The following CUX1 variants were observed in gnomAD, a reference collection of about 807,000 sequenced individuals.
The protein encoded by CUX1 is protein CASP.
Under a neutral mutation model 158.8 loss-of-function variants are expected in CUX1, and 31 were observed. The ratio of observed to expected loss-of-function variants is 0.20; its 90% CI spans 0.15 to 0.26. The LOEUF (loss-of-function observed/expected upper bound fraction) is 0.26. Ranked by LOEUF, CUX1 falls within the 10% of genes least tolerant of loss-of-function variation. The pLI is 1.00. For missense variants in CUX1, 1,589 were observed against 2,014.6 expected (o/e 0.79, Z 4.04); for synonymous variants, 879 against 862.1 (o/e 1.02, Z -0.34).
chr7:102,201,928 G>A lies in CUX1; in HGVS notation c.2631G>A (p.Glu877=), dbSNP rs141755091. 3 of 1,613,986 alleles carry A rather than the reference G, an allele frequency of 1.9e-6. No homozygotes were observed. The African/African-American group carries it at 4.0e-5, about 22-fold the overall frequency. ...RSQLQGPSSS[E]YWKEWPSAES... is the part of the protein sequence containing the mutation. ...AGCTCCAGGGACCCTCGTCGTCAGAGTACTGGAAGGAGTGGCCCAGCGCTG... is the reference window on the plus strand; with the variant it reads ...AGCTCCAGGGACCCTCGTCGTCAGAATACTGGAAGGAGTGGCCCAGCGCTG... Residue 877 remains glutamate (E), a synonymous_variant, in exon 18 of 24, where the codon GAG becomes GAA. Coordinates refer to ENST00000292535, the MANE Select transcript of CUX1 (RefSeq NM_181552.4). The surrounding 1 kb of genome is among the most constrained non-coding windows in gnomAD (Gnocchi z 5.0).
rs545936911 is a variant in CUX1 at position 102,180,901 on chromosome 7, A to T, written c.1017+2244A>T. On this transcript the variant is annotated intron_variant, in intron 11 of 23. Coordinates refer to ENST00000292535, the MANE Select transcript of CUX1 (RefSeq NM_181552.4). Reference sequence around the variant, plus strand: ...GCCAGGTCGTTTTTTTTAAATTTTTATTTTATTTTATTTTATTGTATTTTA... The same window carrying T: ...GCCAGGTCGTTTTTTTTAAATTTTTTTTTTATTTTATTTTATTGTATTTTA... Among the ~76,000 whole-genome samples, 430 of 82,786 alleles carry T rather than the reference A, an allele frequency of 5.2e-3. 4 individuals are homozygous for T. The highest frequency in any genetic ancestry group is 0.038 in the African/African-American group (411 of 10,734). 54.3% of individuals were successfully genotyped at this position (82,786 alleles called of 152,430 possible).
chr7:102,043,700 G>T (rs1186414901), intron 3 of CUX1, among the ~76,000 whole-genome samples: 1 of 152,092 alleles, frequency 6.6e-6, no homozygotes, highest in Non-Finnish European at 1.5e-5. Context: ...TGAGTGTGCA[G>T]ATAACTCTTA....
rs376032733 is a variant in CUX1, at chr7:102,112,652, C to A, written c.607+878C>A. Among the ~76,000 whole-genome samples, 6 of 151,872 alleles carry A rather than the reference C, an allele frequency of 4.0e-5. No individual in the cohort carries two copies. In the East Asian group the frequency reaches 9.7e-4, roughly 25 times the overall value. On this transcript the variant is annotated intron_variant, in intron 7 of 23. Transcript: ENST00000292535. ...TGGTGTGATCTCAGGTCACTGAAAC[C>A]TTTACCTCTGTGGGCTCAAGCAATC...
intron 20 of CUX1, among the ~76,000 whole-genome samples, chr7:102,223,690 C>T (rs1798058522): frequency 6.6e-6 from 1 of 152,132 alleles, no homozygotes; most frequent in East Asian, 1.9e-4. Context: ...AAAAAAGGGT[C>T]AGGCGCGGTG....
chr7:102,092,883 C>A (rs1637252), intron 4 of CUX1, among the ~76,000 whole-genome samples: 75,170 of 143,480 alleles, frequency 0.52, 20,412 homozygotes, highest in African/African-American at 0.61. Flanking sequence ...ACTGCACTCC[C>A]GTCTGGGTGA....
At chr7:102,140,092 A>G (rs1306857112) in intron 8 of CUX1, among the ~76,000 whole-genome samples, 16 of 152,232 alleles carry the variant, frequency 1.1e-4, no homozygotes, top group Admixed American at 1.0e-3. Context: ...CACAGCATCA[A>G]TAAAGCTCTT....
intron 6 of CUX1, among the ~76,000 whole-genome samples, chr7:102,107,549 AAAAT>A (rs879993099): frequency 3.9e-5 from 6 of 152,324 alleles, no homozygotes; most frequent in Non-Finnish European, 8.8e-5. Flanking sequence ...CTCCAAATAA[AAAAT>A]AAATAAAAGA....
At chr7:102,202,547 GC>G (rs2132045425) in intron 18 of CUX1, among the ~76,000 whole-genome samples, 1 of 152,220 alleles carries the variant, frequency 6.6e-6, no homozygotes, top group East Asian at 1.9e-4. Context: ...AAGCTGACCG[GC>G]AGCCGAGTCC....
chr7:102,049,400 A>T (rs1172228980), intron 3 of CUX1, among the ~76,000 whole-genome samples: 1 of 152,216 alleles, frequency 6.6e-6, no homozygotes, highest in Non-Finnish European at 1.5e-5. Context: ...GGAGCTTGTC[A>T]GCCTTGAGCT....
intron 2 of CUX1, among the ~76,000 whole-genome samples, chr7:101,941,940 C>G (rs563159566): frequency 6.6e-6 from 1 of 152,146 alleles, no homozygotes; most frequent in African/African-American, 2.4e-5. Context: ...CTCCCTCCCC[C>G]TCTCTCTGTC....
chr7:102,158,161 C>T (rs1696795507), intron 8 of CUX1, among the ~76,000 whole-genome samples: 1 of 152,178 alleles, frequency 6.6e-6, no homozygotes, highest in Non-Finnish European at 1.5e-5. Context: ...CAAAACCCCA[C>T]TTACCTGTCA....
At chr7:101,967,529 C>T (rs1401505107) in intron 2 of CUX1, among the ~76,000 whole-genome samples, 1 of 152,194 alleles carries the variant, frequency 6.6e-6, no homozygotes, top group Non-Finnish European at 1.5e-5. Context: ...AATTCTTTCG[C>T]AAATAATGGC....
At chr7:102,195,165 A>T (rs1464189134) in intron 13 of CUX1, among the ~76,000 whole-genome samples, 7 of 151,628 alleles carry the variant, frequency 4.6e-5, no homozygotes, top group African/African-American at 1.5e-4. Flanking sequence ...GTTCGGACAG[A>T]CGTTTGTGGC....
chr7:102,073,792 A>C (rs1029255725), intron 4 of CUX1, among the ~76,000 whole-genome samples: 10 of 152,148 alleles, frequency 6.6e-5, no homozygotes, highest in African/African-American at 1.9e-4. Flanking sequence ...GCATTTTCCT[A>C]TATTGGTAAT....
chr7:102,049,695 AAAAAG>A (rs1823253604), intron 3 of CUX1, among the ~76,000 whole-genome samples: 1 of 152,114 alleles, frequency 6.6e-6, no homozygotes, highest in African/African-American at 2.4e-5. Flanking sequence ...ACAAAAACAA[AAAAAG>A]AAAAACGGAA....
intron 6 of CUX1, among the ~76,000 whole-genome samples, chr7:102,109,873 C>T (rs1554489582): frequency 2.0e-5 from 3 of 152,088 alleles, no homozygotes; most frequent in African/African-American, 7.2e-5. Context: ...CAGATTCACT[C>T]TCAAAATTAT....
rs367794233 is a variant in CUX1, at chr7:102,152,401, ATTTTTGTTTGTTTG to A, written c.675-6139_675-6126del. ...AGAAAAATGAGTAACAAACATACAG[ATTTTTGTTTGTTTG>A]TTTTTGTTTGTTTGTTTTTTTGAGA... On this transcript the variant is annotated intron_variant, in intron 8 of 23. Coordinates refer to ENST00000292535, the MANE Select transcript of CUX1 (RefSeq NM_181552.4). Among the ~76,000 whole-genome samples, 1,296 of 151,998 alleles carry A rather than the reference ATTTTTGTTTGTTTG, an allele frequency of 8.5e-3. 16 individuals carry two copies. Among genetic ancestry groups the A allele is most frequent in the African/African-American group, 0.029 (1,185 of 41,406 alleles).
intron 2 of CUX1, among the ~76,000 whole-genome samples, chr7:101,943,295 CG>C (rs1161427906): frequency 6.6e-6 from 1 of 151,576 alleles, no homozygotes; most frequent in African/African-American, 2.4e-5. Context: ...TTAGTAGAGA[CG>C]GGTTTTCACC....
At chr7:102,219,055 A>AACACACACACACAC (rs3138788) in intron 20 of CUX1, among the ~76,000 whole-genome samples, 8,784 of 126,142 alleles carry the variant, frequency 0.07, 453 homozygotes, top group East Asian at 0.24. Flanking sequence ...CCTGCCTCAA[A>AACACACACACACAC]ACACACACAC....
Sources: gnomAD v4.1 joint callset for allele counts (sites outside exome capture counted in the v4.1 genomes callset) on GRCh38, gnomAD v4.1.1 for gene constraint, Gnocchi (gnomAD v3.1) non-coding constraint, MANE v1.5 for transcripts, NCBI Gene and HGNC (gene_info 2026-07-23, HGNC 2026-07-21) for gene names.